The following NFYC variants were observed in gnomAD, a reference collection of about 807,000 sequenced individuals.
NFYC encodes CAAT box DNA-binding protein subunit C.
In NFYC, 25 loss-of-function variants were observed where a neutral mutation model predicts 53.1. The observed-to-expected ratio is 0.47, with a 90% confidence interval of 0.34 to 0.66. The LOEUF (loss-of-function observed/expected upper bound fraction) is 0.66, where lower values mean the gene tolerates loss of function less well. Among genes scored for constraint, NFYC ranks in the 30% least tolerant of loss-of-function variants. The pLI is 0.01. For synonymous variants in NFYC, 145 were observed against 152.6 expected (o/e 0.95, Z 0.37); for missense variants, 260 against 422.7 (o/e 0.62, Z 3.38).
rs573264467 is a variant in NFYC, at chr1:40,753,827, A to T, written c.387+581A>T. Among the ~76,000 whole-genome samples, 13 of 152,306 alleles carry T rather than the reference A, an allele frequency of 8.5e-5. No individual in the cohort carries two copies. The East Asian group carries it at 2.5e-3, about 29-fold the overall frequency. On this transcript the variant is annotated intron_variant, in intron 5 of 9. Coordinates refer to ENST00000447388, the MANE Select transcript of NFYC (RefSeq NM_014223.5). ...AACTCCCTGGATGCTTTTAATGTGC[A>T]GTCAGATTTGAGAACCACCACTTGA...
At chr1:40,748,358 C>T (rs959444501) in intron 3 of NFYC, among the ~76,000 whole-genome samples, 1 of 151,778 alleles carries the variant, frequency 6.6e-6, no homozygotes, top group Admixed American at 6.6e-5. Flanking sequence ...AGGCTAGTCA[C>T]GAACTCCTGG....
At chr1:40,736,301 G>GA (rs1237530167) in intron 1 of NFYC, among the ~76,000 whole-genome samples, 4 of 151,962 alleles carry the variant, frequency 2.6e-5, no homozygotes, top group Admixed American at 1.3e-4. Flanking sequence ...GAAAAAAAAA[G>GA]AAAAAAATCA....
intron 2 of NFYC, among the ~76,000 whole-genome samples, chr1:40,746,893 G>A (rs1645632792): frequency 6.6e-6 from 1 of 152,156 alleles, no homozygotes; most frequent in Admixed American, 6.5e-5. Flanking sequence ...AAAGGCAGCT[G>A]ACAAATTCAC....
chr1:40,706,859 C>T (rs1015936430), intron 1 of NFYC, among the ~76,000 whole-genome samples: 1 of 152,064 alleles, frequency 6.6e-6, no homozygotes, highest in African/African-American at 2.4e-5. Context: ...CTGAGATCAG[C>T]TCTGCTGTGC....
Position 40,739,419 on chromosome 1 carries a change from C to T in NFYC, c.105+471C>T, listed in dbSNP as rs566151822. On this transcript the variant is annotated intron_variant, in intron 2 of 9. Transcript: ENST00000447388. ...TACTTTGATCGCAGTTTCTCAACAG[C>T]TGCATTATTGACATTTTGGGCCAGA... Among the ~76,000 whole-genome samples, 5 of 152,304 alleles carry T rather than the reference C, an allele frequency of 3.3e-5. No homozygotes were observed. The South Asian group carries it at 8.3e-4, about 25-fold the overall frequency.
chr1:40,712,177 A>T (rs909171817), intron 1 of NFYC, among the ~76,000 whole-genome samples: 1 of 152,214 alleles, frequency 6.6e-6, no homozygotes, highest in African/African-American at 2.4e-5. Context: ...ATTTGTAAAA[A>T]GGAGTTAGTT....
intron 1 of NFYC, among the ~76,000 whole-genome samples, chr1:40,713,306 T>C (rs1427175889): frequency 6.6e-6 from 1 of 152,222 alleles, no homozygotes; most frequent in Non-Finnish European, 1.5e-5. Context: ...ATCTGTGCAT[T>C]GGAAGAATCA....
At chr1:40,769,646 A>G (rs140394062) in intron 9 of NFYC, among the ~76,000 whole-genome samples, 35 of 152,338 alleles carry the variant, frequency 2.3e-4, no homozygotes, top group African/African-American at 8.4e-4. Flanking sequence ...GCCATTTTAC[A>G]GATGAGTAAA....
chr1:40,750,671 T>C (rs1234354665), intron 4 of NFYC, among the ~76,000 whole-genome samples: 1 of 152,210 alleles, frequency 6.6e-6, no homozygotes, highest in East Asian at 1.9e-4. Flanking sequence ...TTGAAGTTAG[T>C]CTGTGGATCC....
chr1:40,720,445 A>G (rs1459991012), intron 1 of NFYC, among the ~76,000 whole-genome samples: 2 of 151,740 alleles, frequency 1.3e-5, no homozygotes, highest in African/African-American at 4.8e-5. Context: ...CTCCAACCCC[A>G]CTCTTGTGGC....
chr1:40,758,574 A>T (rs898248967), intron 6 of NFYC: 31 of 318,138 alleles, frequency 9.7e-5, no homozygotes, highest in African/African-American at 6.5e-4. Context: ...GGAAAAAAAA[A>T]TGTCTGAAAT....
In NFYC at chr1:40,720,944, A is replaced by G. The variant is rs79500868; in HGVS notation, c.-8-17892A>G. ...AGTAGATGTGTATTGAATCCCCACT[A>G]TGTGCAAGGCATATTTGCCTTGAGG... On this transcript the variant is annotated intron_variant, in intron 1 of 9. Coordinates refer to ENST00000447388, the MANE Select transcript of NFYC (RefSeq NM_014223.5). 3.9e-3 allele frequency among the ~76,000 whole-genome samples: 598 copies of G among 152,248 alleles called. 7 individuals carry two copies. Among genetic ancestry groups the G allele is most frequent in the African/African-American group, 0.014 (568 of 41,548 alleles).
chr1:40,738,070 T>A (rs977530347), intron 1 of NFYC, among the ~76,000 whole-genome samples: 3 of 151,840 alleles, frequency 2.0e-5, no homozygotes, highest in Non-Finnish European at 4.4e-5. Flanking sequence ...GCCCGGCTAA[T>A]TTTTTGTATT....
intron 1 of NFYC, among the ~76,000 whole-genome samples, chr1:40,720,196 G>A (rs948684812): frequency 2.5e-4 from 38 of 152,130 alleles, no homozygotes; most frequent in Non-Finnish European, 5.0e-4. Flanking sequence ...ACTAAACAGA[G>A]GGAAGAATTC....
rs1647068470 is a variant in NFYC, at chr1:40,771,213, C to T, written c.*385C>T. Reference sequence around the variant, plus strand: ...CACTTCTTTTTAGGAGCAAATCTCCCCAGGGGTGTACGGTATTTCTTGACT... The same window carrying T: ...CACTTCTTTTTAGGAGCAAATCTCCTCAGGGGTGTACGGTATTTCTTGACT... On this transcript the variant is annotated 3_prime_UTR_variant, in exon 10 of 10. Transcript: ENST00000447388. 1 of 318,136 alleles carries T rather than the reference C, an allele frequency of 3.1e-6. No individual in the cohort carries two copies. Among genetic ancestry groups the T allele is most frequent in the Non-Finnish European group, 6.1e-6 (1 of 164,350 alleles). 19.7% of individuals were successfully genotyped at this position (318,136 alleles called of 1,614,324 possible).
chr1:40,697,635 C>G (rs1643222810), intron 1 of NFYC, among the ~76,000 whole-genome samples: 1 of 152,180 alleles, frequency 6.6e-6, no homozygotes, highest in African/African-American at 2.4e-5. Context: ...CCATTATAGT[C>G]ATTTAAAATT....
chr1:40,770,329 A>ATT lies in NFYC; in HGVS notation c.889-380_889-379insTT. 1 of 1,438,002 alleles carries ATT rather than the reference A, an allele frequency of 7.0e-7. No individual in the cohort carries two copies. Among genetic ancestry groups the ATT allele is most frequent in the Non-Finnish European group, 9.4e-7 (1 of 1,065,512 alleles). 89.1% of individuals were successfully genotyped at this position (1,438,002 alleles called of 1,614,324 possible). A position where few individuals can be genotyped will look rare whatever the true frequency, so the allele number is the denominator to read the frequency against. ...ACTGCCCCTGCCAGTGTAGATTACCAAGAGTTGGGGAAATGCTGACTTCCA... is the reference window on the plus strand; with the variant it reads ...ACTGCCCCTGCCAGTGTAGATTACCATTAGAGTTGGGGAAATGCTGACTTCCA... On this transcript the variant is annotated intron_variant, in intron 9 of 9. Transcript: ENST00000447388. The surrounding 1 kb of genome is among the most constrained non-coding windows in gnomAD (Gnocchi z 5.3).
chr1:40,754,115 A>T (rs1221115653), intron 5 of NFYC, among the ~76,000 whole-genome samples: 1 of 152,046 alleles, frequency 6.6e-6, no homozygotes, highest in African/African-American at 2.4e-5. Flanking sequence ...GCTTTGTTAT[A>T]TAAAACTTTA....
chr1:40,724,912 T>C (rs1223495013), intron 1 of NFYC, among the ~76,000 whole-genome samples: 1 of 152,252 alleles, frequency 6.6e-6, no homozygotes, highest in Non-Finnish European at 1.5e-5. Flanking sequence ...CTAAGTCTTT[T>C]AGGAAGCATG....
Sources: gnomAD v4.1 joint callset for allele counts (sites outside exome capture counted in the v4.1 genomes callset) on GRCh38, gnomAD v4.1.1 for gene constraint, Gnocchi (gnomAD v3.1) non-coding constraint, MANE v1.5 for transcripts, NCBI Gene and HGNC (gene_info 2026-07-23, HGNC 2026-07-21) for gene names.